The following TRIM2 variants were observed in gnomAD, a reference collection of about 807,000 sequenced individuals.
TRIM2 encodes tripartite motif-containing protein 2.
TRIM2 carries 20 observed loss-of-function variants against 75.2 expected under a neutral mutation model. The observed-to-expected ratio is 0.27, with a 90% CI of 0.19 to 0.39. The LOEUF is 0.39. Among genes scored for constraint, TRIM2 ranks in the 10% least tolerant of loss-of-function variants. TRIM2 has a pLI of 1.00. For synonymous variants in TRIM2, 373 were observed against 388.3 expected (o/e 0.96, Z 0.46); for missense variants, 660 against 990.8 (o/e 0.67, Z 4.48).
upstream of TRIM2, among the ~76,000 whole-genome samples, chr4:153,202,230 T>C (rs1734439125): frequency 6.6e-6 from 1 of 152,250 alleles, no homozygotes; most frequent in Admixed American, 6.5e-5. Context: ...ATAATTCATT[T>C]TGACAACTAC....
At chr4:153,229,605 T>G (rs1743073703) in intron 1 of TRIM2, among the ~76,000 whole-genome samples, 1 of 152,210 alleles carries the variant, frequency 6.6e-6, no homozygotes, top group African/African-American at 2.4e-5. Flanking sequence ...AATTCATTTT[T>G]CTTGTTAAAA....
intron 1 of TRIM2, among the ~76,000 whole-genome samples, chr4:153,213,358 T>C (rs543104771): frequency 6.6e-6 from 1 of 152,314 alleles, no homozygotes; most frequent in Non-Finnish European, 1.5e-5. Context: ...ATTTAACTTG[T>C]TTCAATTTTT....
At chr4:153,293,270 C>A in intron 4 of TRIM2, 137 bp downstream of exon 4, 1 of 925,220 alleles carries the variant, frequency 1.1e-6, no homozygotes, top group Non-Finnish European at 1.6e-6. Context: ...GTTCTTTTAT[C>A]ATGGATTTGT....
At chr4:153,327,932 G>A (rs528850857) in intron 10 of TRIM2, among the ~76,000 whole-genome samples, 1 of 152,158 alleles carries the variant, frequency 6.6e-6, no homozygotes, top group South Asian at 2.1e-4. Context: ...ATCTTCTGAG[G>A]GTAAATAAAA....
intron 1 of TRIM2, among the ~76,000 whole-genome samples, chr4:153,232,393 G>A (rs149267886): frequency 6.9e-4 from 105 of 152,344 alleles, no homozygotes; most frequent in African/African-American, 2.4e-3. Flanking sequence ...CAGCTACTTG[G>A]CAGGCTGAGG....
intron 4 of TRIM2, 97 bp downstream of exon 4, chr4:153,293,230 C>T: frequency 8.0e-7 from 1 of 1,256,200 alleles, no homozygotes; most frequent in Non-Finnish European, 1.1e-6. Context: ...TCATATTTCC[C>T]TTGAGATATC....
In TRIM2 at chr4:153,339,075, T is replaced by A. The variant is rs966801395; in HGVS notation, c.*4109T>A. ...CTCTCTGACATTGATACTGATATAT[T>A]CTCGTCATTTGTTCTTTTATGAATC... On this transcript the variant is annotated 3_prime_UTR_variant, in exon 12 of 12. Transcript: ENST00000338700. 1 of 985,852 alleles carries A rather than the reference T, an allele frequency of 1.0e-6. No individual in the cohort carries two copies. 61.1% of individuals were successfully genotyped at this position (985,852 alleles called of 1,614,324 possible).
chr4:153,202,976 G>A (rs188841652), upstream of TRIM2, among the ~76,000 whole-genome samples: 5 of 151,518 alleles, frequency 3.3e-5, no homozygotes, highest in African/African-American at 9.7e-5. Context: ...GTGGTGGTGC[G>A]CATCTGTAGT....
chr4:153,273,262 C>T (rs973995336), intron 2 of TRIM2, among the ~76,000 whole-genome samples: 5 of 116,052 alleles, frequency 4.3e-5, no homozygotes, highest in African/African-American at 1.6e-4. Context: ...GAGCACCTTA[C>T]AGTCACTCTT....
chr4:153,258,293 A>T (rs535795772), intron 1 of TRIM2, among the ~76,000 whole-genome samples: 57 of 152,182 alleles, frequency 3.7e-4, no homozygotes, highest in Middle Eastern at 3.4e-3. Context: ...GCAAACAAAC[A>T]TGTAGGAGAT....
At chr4:153,194,411 T>C (rs545655211) in intron 1 of TRIM2, among the ~76,000 whole-genome samples, 109 of 152,204 alleles carry the variant, frequency 7.2e-4, no homozygotes, top group Middle Eastern at 6.8e-3. Flanking sequence ...TTCCACTTAA[T>C]CATTTTGGTT....
At chr4:153,282,046 T>C (rs1300449753) in intron 3 of TRIM2, among the ~76,000 whole-genome samples, 1 of 152,220 alleles carries the variant, frequency 6.6e-6, no homozygotes, top group African/African-American at 2.4e-5. Context: ...CTTTTTTGCA[T>C]GTTAGGAATG....
At chr4:153,201,229 G>T (rs1243700857), upstream of TRIM2, among the ~76,000 whole-genome samples, 1 of 152,146 alleles carries the variant, frequency 6.6e-6, no homozygotes, top group Non-Finnish European at 1.5e-5. Flanking sequence ...CTCCCAAAGT[G>T]CTGGGATTAC....
At chr4:153,292,314 A>G (rs1394469654) in intron 3 of TRIM2, among the ~76,000 whole-genome samples, 1 of 152,090 alleles carries the variant, frequency 6.6e-6, no homozygotes, top group African/African-American at 2.4e-5. Flanking sequence ...TTTTCCCACA[A>G]ATTTTTTTGT....
chr4:153,258,601 C>CA (rs1752656835), intron 1 of TRIM2, among the ~76,000 whole-genome samples: 1 of 151,936 alleles, frequency 6.6e-6, no homozygotes, highest in African/African-American at 2.4e-5. Context: ...ATTTCTGAAC[C>CA]AAAAGATAAA....
At chr4:153,228,093 T>C (rs1463106226) in intron 1 of TRIM2, among the ~76,000 whole-genome samples, 4 of 152,182 alleles carry the variant, frequency 2.6e-5, no homozygotes, top group Admixed American at 2.0e-4. Flanking sequence ...ACCAGTGAGA[T>C]GTCACCCACA....
chr4:153,326,559 A>G (rs1670988650), intron 10 of TRIM2, among the ~76,000 whole-genome samples: 1 of 152,360 alleles, frequency 6.6e-6, no homozygotes, highest in Non-Finnish European at 1.5e-5. Flanking sequence ...CTTCTTAGCT[A>G]TCTGCAGAAT....
At chr4:153,303,537 G>T (rs1472505509) in intron 6 of TRIM2, among the ~76,000 whole-genome samples, 1 of 151,444 alleles carries the variant, frequency 6.6e-6, no homozygotes, top group Non-Finnish European at 1.5e-5. Context: ...TGCTAGGTAT[G>T]TGATAACAGA....
chr4:153,339,312 T>A lies in TRIM2; in HGVS notation c.*4346T>A. On this transcript the variant is annotated 3_prime_UTR_variant, in exon 12 of 12. Transcript: ENST00000338700. ...CAAATCATTATAATAAAGCTTGTTT[T>A]CTCCATTTGCAGAGTGAATATTTAT... 2.2e-6 allele frequency: 1 copy of A among 451,786 alleles called. No individual in the cohort carries two copies. Among genetic ancestry groups the A allele is most frequent in the African/African-American group, 2.1e-5 (1 of 46,746 alleles). 28.0% of individuals were successfully genotyped at this position (451,786 alleles called of 1,614,324 possible). A position where few individuals can be genotyped will look rare whatever the true frequency, so the allele number is the denominator to read the frequency against.
Sources: allele counts gnomAD v4.1 joint callset (sites outside exome capture counted in the v4.1 genomes callset), GRCh38; gene constraint gnomAD v4.1.1; transcripts MANE v1.5; gene names NCBI Gene and HGNC (gene_info 2026-07-23, HGNC 2026-07-21).